Variants in NBAS observed in about 807,000 individuals in gnomAD.
The protein encoded by NBAS is NAG/BC035112 fusion.
Under a neutral mutation model 302.5 loss-of-function variants are expected in NBAS, and 219 were observed. The observed-to-expected ratio is 0.72, with a 90% CI of 0.65 to 0.81. The LOEUF (loss-of-function observed/expected upper bound fraction) is 0.81. NBAS is among the 30% of genes least tolerant of loss of function. The pLI, the probability that NBAS is intolerant of heterozygous loss-of-function variation, is 0.00. For missense variants in NBAS, 2,932 were observed against 2,841.6 expected (o/e 1.03, Z -0.72); for synonymous variants, 1,118 against 1,021.6 (o/e 1.09, Z -1.80).
chr2:14,998,441 C>G, the NBAS span, among the ~76,000 whole-genome samples: 1 of 152,170 alleles, frequency 6.6e-6, no homozygotes, highest in African/African-American at 2.4e-5. Context: ...GACCCTGTCT[C>G]CTAGGAGTCA....
chr2:15,029,646 G>T, the NBAS span, among the ~76,000 whole-genome samples: 12,364 of 152,254 alleles, frequency 0.081, 1,213 homozygotes, highest in African/African-American at 0.22. Flanking sequence ...CATTCTGATA[G>T]GTTTTCGTGT....
chr2:15,356,912 T>C (rs1039938878), intron 32 of NBAS, among the ~76,000 whole-genome samples: 2 of 152,214 alleles, frequency 1.3e-5, no homozygotes, highest in Non-Finnish European at 1.5e-5. Context: ...CCTTAACAAA[T>C]TCTCGTTGGG....
the NBAS span, among the ~76,000 whole-genome samples, chr2:15,123,644 T>C: frequency 6.6e-6 from 1 of 152,164 alleles, no homozygotes; most frequent in Admixed American, 6.5e-5. Context: ...AGCACCTCCC[T>C]CCTCTCTGTC....
intron 9 of NBAS, among the ~76,000 whole-genome samples, chr2:15,515,723 G>A (rs1662358499): frequency 6.6e-6 from 1 of 152,072 alleles, no homozygotes; most frequent in Non-Finnish European, 1.5e-5. Context: ...AGGCTTCCAG[G>A]GCAACACTGG....
At chr2:15,300,667 G>A (rs1199139165) in intron 40 of NBAS, among the ~76,000 whole-genome samples, 1 of 152,188 alleles carries the variant, frequency 6.6e-6, no homozygotes, top group Non-Finnish European at 1.5e-5. Context: ...GCTAGGTCTG[G>A]TGATACAGGA....
At chr2:14,869,100 G>C in the NBAS span, among the ~76,000 whole-genome samples, 1 of 152,136 alleles carries the variant, frequency 6.6e-6, no homozygotes, top group South Asian at 2.1e-4. Context: ...GAAAAAGACA[G>C]AAAATGAAAT....
intron 32 of NBAS, among the ~76,000 whole-genome samples, chr2:15,362,646 C>G (rs1373746243): frequency 6.6e-6 from 1 of 152,102 alleles, no homozygotes; most frequent in Non-Finnish European, 1.5e-5. Flanking sequence ...ATAAATGCAC[C>G]TATAACACAA....
the NBAS span, among the ~76,000 whole-genome samples, chr2:14,855,485 C>T: frequency 6.6e-6 from 1 of 152,012 alleles, no homozygotes; most frequent in Non-Finnish European, 1.5e-5. Context: ...GATTCTAGGA[C>T]TTCACTCTTG....
At chr2:14,948,612 A>G in the NBAS span, among the ~76,000 whole-genome samples, 1 of 152,122 alleles carries the variant, frequency 6.6e-6, no homozygotes, top group African/African-American at 2.4e-5. Context: ...AATTGAAAAG[A>G]TATTCTATGC....
chr2:15,503,419 C>T (rs1365507097), intron 11 of NBAS, among the ~76,000 whole-genome samples: 1 of 152,134 alleles, frequency 6.6e-6, no homozygotes, highest in African/African-American at 2.4e-5. Flanking sequence ...GCAGGTCCTA[C>T]AGGGAAAGAA....
At chr2:15,215,141 C>T (rs1316873581) in intron 48 of NBAS, among the ~76,000 whole-genome samples, 1 of 152,138 alleles carries the variant, frequency 6.6e-6, no homozygotes, top group Non-Finnish European at 1.5e-5. Flanking sequence ...ATCCCCTCTC[C>T]CCTGCCCCCA....
chr2:15,203,267 A>G (rs1665968200), intron 48 of NBAS, among the ~76,000 whole-genome samples: 1 of 152,138 alleles, frequency 6.6e-6, no homozygotes, highest in South Asian at 2.1e-4. Context: ...ATATTACACA[A>G]ATTTCTTAAC....
At chr2:15,511,466 T>C in intron 9 of NBAS, 116 bp from the exon 10 acceptor site, 1 of 875,248 alleles carries the variant, frequency 1.1e-6, no homozygotes. Flanking sequence ...TATTAATATA[T>C]GTTAAACCTA....
At chr2:15,536,380 A>G in intron 8 of NBAS, 38 bp downstream of exon 8, 1 of 1,600,022 alleles carries the variant, frequency 6.2e-7, no homozygotes, top group Non-Finnish European at 8.5e-7. Context: ...AGAGAAATAA[A>G]CATTATTTCA....
chr2:15,475,702 T>A lies in NBAS; in HGVS notation c.1326A>T (p.Gly442=). The A allele has an allele frequency of 6.2e-7, 1 of 1,614,048 alleles. No homozygotes were observed. The highest frequency in any genetic ancestry group is 8.5e-7 in the Non-Finnish European group (1 of 1,179,962). The change falls in exon 14 of 52, where the codon GGA becomes GGT. Residue 442 remains glycine, a synonymous_variant. Transcript: ENST00000281513. ...AAAGCCTTACCTCCAAACTTAAAAATCCCCCATCATGGGTAGCAGTGACTT... is the reference window on the plus strand; with the variant it reads ...AAAGCCTTACCTCCAAACTTAAAAAACCCCCATCATGGGTAGCAGTGACTT... ...SPQVTATHDG[G]FLSLECEIKL... is the part of the protein sequence containing the mutation.
intron 31 of NBAS, 130 bp from the exon 32 acceptor site, chr2:15,366,823 A>C: frequency 1.2e-6 from 1 of 801,120 alleles, no homozygotes; most frequent in South Asian, 1.4e-5. Flanking sequence ...GAATTAAGTA[A>C]AAGTAAAAGG....
At chr2:15,428,605 C>T (rs1677596266) in intron 21 of NBAS, among the ~76,000 whole-genome samples, 1 of 152,068 alleles carries the variant, frequency 6.6e-6, no homozygotes, top group South Asian at 2.1e-4. Flanking sequence ...TGGTGGCATG[C>T]CTGTCATCCC....
intron 51 of NBAS, among the ~76,000 whole-genome samples, chr2:15,176,166 G>A (rs537740108): frequency 2.6e-5 from 4 of 152,304 alleles, no homozygotes; most frequent in African/African-American, 9.6e-5. Context: ...ACAGCTAGAC[G>A]TGAGTCGGGC....
At chr2:15,331,053 T>A (rs1672321124) in intron 35 of NBAS, among the ~76,000 whole-genome samples, 2 of 152,180 alleles carry the variant, frequency 1.3e-5, no homozygotes, top group African/African-American at 4.8e-5. Flanking sequence ...AAATAATTGG[T>A]ATTTTATTTT....
Sources: gnomAD v4.1 joint callset for allele counts (sites outside exome capture counted in the v4.1 genomes callset) on GRCh38, gnomAD v4.1.1 for gene constraint, MANE v1.5 for transcripts, NCBI Gene and HGNC (gene_info 2026-07-23, HGNC 2026-07-21) for gene names.